MROH2A: variants seen among roughly 807,000 people sequenced by gnomAD.
MROH2A encodes maestro heat-like repeat-containing protein family member 2A.
Under a neutral mutation model 200.4 loss-of-function variants are expected in MROH2A, and 174 were observed. The observed-to-expected ratio is 0.87, with a 90% CI of 0.77 to 0.98. The LOEUF (loss-of-function observed/expected upper bound fraction) is 0.98, where lower values mean the gene tolerates loss of function less well. MROH2A is among the 50% of genes least tolerant of loss of function. The probability of loss-of-function intolerance (pLI) is 0.00; values close to 1 mark genes in which losing one functional copy is unlikely to be tolerated. For missense variants in MROH2A, 2,045 were observed against 2,139.6 expected, an observed-to-expected ratio of 0.96 and a Z score of 0.87; for synonymous variants, 829 against 840.4, an observed-to-expected ratio of 0.99 and a Z score of 0.23.
intron 27 of MROH2A, 99 bp from the exon 28 acceptor site, chr2:233,817,903 G>A: frequency 7.0e-7 from 1 of 1,424,718 alleles, no homozygotes; most frequent in Non-Finnish European, 9.5e-7. Flanking sequence ...TTTCAGAGCA[G>A]GGTTTGCCCT....
At chr2:233,777,754 A>C (rs532312913), upstream of MROH2A, among the ~76,000 whole-genome samples, 5 of 152,324 alleles carry the variant, frequency 3.3e-5, no homozygotes, top group African/African-American at 1.2e-4. Flanking sequence ...CTTGCAGTGC[A>C]TAGAAAGATT....
intron 23 of MROH2A, 26 bp downstream of exon 23, chr2:233,810,942 G>T (rs541144794): frequency 2.6e-5 from 41 of 1,548,146 alleles, no homozygotes. Context: ...CACCTCCTTG[G>T]TCCTGTTCCT....
chr2:233,818,191 T>C (rs1028802185), intron 28 of MROH2A, 66 bp downstream of exon 28: 1 of 1,531,558 alleles, frequency 6.5e-7, no homozygotes, highest in Non-Finnish European at 8.8e-7. Flanking sequence ...TCCAGGAGTA[T>C]GGGCTGCGGC....
chr2:233,779,847 C>T lies in MROH2A; in HGVS notation c.271C>T (p.Pro91Ser). ...CACTCTCATCCGCTGCCTGCAGGTG[C>T]CAGAGGTAGGGCCATCTTACCCACT... ...INTLIRCLQV[P>S]EISTQRKVNI... is the part of the protein sequence containing the mutation. The change falls in exon 3 of 42, where the codon CCA (proline) becomes TCA (serine). Residue 91 changes from proline to serine, a missense_variant. By Grantham distance (74) the Pro-to-Ser change is moderately conservative. Coordinates refer to ENST00000389758, the MANE Select transcript of MROH2A (RefSeq NM_001394639.1). 1 of 1,549,416 alleles carries T rather than the reference C, an allele frequency of 6.5e-7. No individual in the cohort carries two copies.
At position 233,804,553 on chromosome 2, in the gene MROH2A, C is replaced by T. The variant is rs374262824; in HGVS notation, c.1944+6C>T. On this transcript the variant is annotated splice_donor_region_variant and intron_variant, in intron 18 of 41. Transcript: ENST00000389758. ...GGGAAGACAAGCTGATTCAGGTAAA[C>T]GGGTAACAAGTTTGCTGAGGCCTGG... The T allele has an allele frequency of 1.3e-4, 194 of 1,551,034 alleles. No homozygotes were observed. In the African/African-American group the frequency reaches 2.1e-3, roughly 17 times the overall value.
Position 233,807,654 on chromosome 2 carries a change from G to A in MROH2A, c.2173-79G>A. ...TGTGTGTGTGTGTACATGTGTGTGTGCCTTGCACGTGTGTGTGTGGGATCC... is the reference window on the plus strand; with the variant it reads ...TGTGTGTGTGTGTACATGTGTGTGTACCTTGCACGTGTGTGTGTGGGATCC... On this transcript the variant is annotated intron_variant, in intron 20 of 41. Transcript: ENST00000389758. The surrounding 1 kb of genome is among the most constrained non-coding windows in gnomAD (Gnocchi z 4.3). 1.3e-6 allele frequency: 2 copies of A among 1,547,022 alleles called. No homozygotes were observed. Among genetic ancestry groups the A allele is most frequent in the Admixed American group, 2.0e-5 (1 of 50,936 alleles).
chr2:233,822,198 G>A lies in MROH2A; in HGVS notation c.3587G>A (p.Gly1196Asp). 1 of 1,549,130 alleles carries A rather than the reference G, an allele frequency of 6.5e-7. No homozygotes were observed. The highest frequency in any genetic ancestry group is 1.2e-5 in the South Asian group (1 of 84,060). Reference protein sequence around the residue: ...FARTMLHSLMGRLQSRLSPRI... With the variant: ...FARTMLHSLMDRLQSRLSPRI... ...CGGACCATGCTCCACAGCCTGATGG[G>A]CCGGCTGCAGTCACGGCTCAGCCCC... The change falls in exon 32 of 42, where the codon GGC becomes GAC. Residue 1196 changes from glycine (G) to aspartate (D), a missense_variant. Physicochemically the swap from Gly to Asp is moderately conservative, Grantham distance 94 (BLOSUM62 -1). Transcript: ENST00000389758.
In MROH2A at chr2:233,811,954, C is replaced by T; in HGVS notation, c.2646C>T (p.His882=). 1.9e-6 allele frequency: 3 copies of T among 1,548,964 alleles called. No individual in the cohort carries two copies. The highest frequency in any genetic ancestry group is 2.4e-5 in the South Asian group (2 of 84,032). Residue 882 remains histidine (H), a synonymous_variant, in exon 24 of 42, where the codon CAC becomes CAT. Transcript: ENST00000389758. ...CCTTGGCGATGGAGGCCCTCTCGCA[C>T]CTGAGGTGAGCTGGGTTCCCACCCT... ...VRALAMEALS[H]LSKLKPFYST... is the part of the protein sequence containing the mutation.
intron 37 of MROH2A, 140 bp downstream of exon 37, chr2:233,829,212 A>T (rs1334822220): frequency 4.9e-6 from 4 of 809,956 alleles, no homozygotes; most frequent in Non-Finnish European, 7.6e-6. Flanking sequence ...TGATCACGGG[A>T]TCTTGTGAAG....
At chr2:233,814,747 A>G (rs950089741) in intron 26 of MROH2A, 70 bp downstream of exon 26, 29 of 1,016,912 alleles carry the variant, frequency 2.9e-5, no homozygotes, top group Non-Finnish European at 4.0e-5. Context: ...TGAGGGCCAG[A>G]CTCTGGGGAA....
rs1280853999 is a variant in MROH2A, at chr2:233,795,736, G to A, written c.1050G>A (p.Leu350=). 6.4e-7 allele frequency: 1 copy of A among 1,551,076 alleles called. No homozygotes were observed. Among genetic ancestry groups the A allele is most frequent in the Non-Finnish European group, 8.7e-7 (1 of 1,147,084 alleles). Residue 350 remains leucine, a synonymous_variant, in exon 9 of 42, where the codon CTG becomes CTA. Coordinates refer to ENST00000389758, the MANE Select transcript of MROH2A (RefSeq NM_001394639.1). ...QMQLHTIFTE[L]HVQVCNKAPA... ...AGCTACACACCATTTTCACAGAACT[G>A]CACGTCCAGGTGAGGCCAGCAAGCT...
intron 4 of MROH2A, 104 bp downstream of exon 4, chr2:233,789,732 G>T: frequency 6.9e-7 from 1 of 1,457,790 alleles, no homozygotes. Flanking sequence ...TTACCTCTCA[G>T]AGCAGGGGTA....
intron 15 of MROH2A, 106 bp downstream of exon 15, chr2:233,802,421 T>A: frequency 2.3e-6 from 3 of 1,304,772 alleles, no homozygotes; most frequent in Non-Finnish European, 3.1e-6. Flanking sequence ...TTCCCCCTTC[T>A]CCTGGAAACA....
rs1174584407 is a variant in MROH2A, at chr2:233,807,198, T to A, written c.2053-225T>A. 2.0e-5 allele frequency among the ~76,000 whole-genome samples: 3 copies of A among 152,130 alleles called. No individual in the cohort carries two copies. In the South Asian group the frequency reaches 6.2e-4, roughly 32 times the overall value. On this transcript the variant is annotated intron_variant, in intron 19 of 41. Coordinates refer to ENST00000389758, the MANE Select transcript of MROH2A (RefSeq NM_001394639.1). This position sits in a 1 kb window ranked among gnomAD's most constrained non-coding sequence, Gnocchi z 4.3. Reference sequence around the variant, plus strand: ...ATATATGTATATATAAACTGATATATGTATGTATGTATATATCAGTTTCTT... The same window carrying A: ...ATATATGTATATATAAACTGATATAAGTATGTATGTATATATCAGTTTCTT...
At chr2:233,816,674 A>C in intron 26 of MROH2A, 107 bp from the exon 27 acceptor site, 1 of 660,252 alleles carries the variant, frequency 1.5e-6, no homozygotes, top group Middle Eastern at 4.0e-4. Flanking sequence ...ACAAGGAAGC[A>C]TTGAAAGTCG....
At chr2:233,811,795 G>A (rs1171786474) in intron 23 of MROH2A, 85 bp from the exon 24 acceptor site, 3 of 870,704 alleles carry the variant, frequency 3.4e-6, no homozygotes, top group Non-Finnish European at 5.7e-6. Flanking sequence ...TTTGGGAAGT[G>A]CCAGGTCTTC....
chr2:233,800,587 G>A (rs946546990), intron 14 of MROH2A, among the ~76,000 whole-genome samples: 1 of 151,992 alleles, frequency 6.6e-6, no homozygotes, highest in African/African-American at 2.4e-5. Context: ...ATTTGAGCAA[G>A]TACCTGAAAT....
intron 3 of MROH2A, 114 bp from the exon 4 acceptor site, chr2:233,789,381 TTG>T (rs1202392063): frequency 1.9e-6 from 2 of 1,067,856 alleles, no homozygotes; most frequent in Admixed American, 8.0e-5. Context: ...GATCTAAGAT[TTG>T]TGTGTTTGGA....
chr2:233,800,915 A>T (rs879818339), intron 14 of MROH2A, among the ~76,000 whole-genome samples: 8 of 152,324 alleles, frequency 5.3e-5, no homozygotes, highest in African/African-American at 1.7e-4. Flanking sequence ...TGCAGGCTAG[A>T]TGATCCCTGT....
Sources: allele counts gnomAD v4.1 joint callset (sites outside exome capture counted in the v4.1 genomes callset), GRCh38; gene constraint gnomAD v4.1.1; non-coding constraint Gnocchi (gnomAD v3.1); transcripts MANE v1.5; gene names NCBI Gene and HGNC (gene_info 2026-07-23, HGNC 2026-07-21).